Variants in ASCC3 observed in about 807,000 individuals in gnomAD.
ASCC3 encodes the protein ASC-1 complex subunit P200.
ASCC3 carries 158 observed loss-of-function variants against 256.3 expected under a neutral mutation model. The observed-to-expected ratio is 0.62, with a 90% CI of 0.54 to 0.70. The LOEUF (loss-of-function observed/expected upper bound fraction) is 0.70, where lower values mean the gene tolerates loss of function less well. Among genes scored for constraint, ASCC3 ranks in the 30% least tolerant of loss-of-function variants. The probability of loss-of-function intolerance (pLI) is 0.00; values close to 1 mark genes in which losing one functional copy is unlikely to be tolerated. For missense variants in ASCC3, 2,259 were observed against 2,626.0 expected, an observed-to-expected ratio of 0.86 and a Z score of 3.05; for synonymous variants, 948 against 883.4, an observed-to-expected ratio of 1.07 and a Z score of -1.30.
At chr6:100,722,718 C>A (rs1376800423) in intron 11 of ASCC3, among the ~76,000 whole-genome samples, 1 of 151,638 alleles carries the variant, frequency 6.6e-6, no homozygotes, top group Non-Finnish European at 1.5e-5. Context: ...GCTACACATA[C>A]AGAACAGCTT....
intron 3 of ASCC3, among the ~76,000 whole-genome samples, chr6:100,849,729 A>C (rs1300369337): frequency 6.6e-6 from 1 of 152,132 alleles, no homozygotes; most frequent in Non-Finnish European, 1.5e-5. Context: ...GAAGAATTTA[A>C]ATCTTCAAAA....
chr6:100,628,597 G>T (rs76713668), intron 27 of ASCC3, among the ~76,000 whole-genome samples: 2 of 152,054 alleles, frequency 1.3e-5, no homozygotes, highest in East Asian at 3.9e-4. Flanking sequence ...TTGCTCTCTT[G>T]TTCCTGCTCT....
chr6:100,727,335 C>T (rs1408812379), intron 10 of ASCC3, among the ~76,000 whole-genome samples: 1 of 151,752 alleles, frequency 6.6e-6, no homozygotes, highest in Non-Finnish European at 1.5e-5. Flanking sequence ...CGCCCAAATC[C>T]GCGTATTCAC....
chr6:100,753,108 AAC>A (rs1781012361), intron 10 of ASCC3, among the ~76,000 whole-genome samples: 1 of 152,190 alleles, frequency 6.6e-6, no homozygotes, highest in South Asian at 2.1e-4. Flanking sequence ...ACCAATCAAA[AAC>A]TTTGAAGATC....
chr6:100,606,927 T>C, intron 31 of ASCC3, 24 bp downstream of exon 31: 1 of 1,612,404 alleles, frequency 6.2e-7, no homozygotes, highest in Non-Finnish European at 8.5e-7. Flanking sequence ...TTTAAATATG[T>C]GTTCACTGGA....
intron 25 of ASCC3, among the ~76,000 whole-genome samples, chr6:100,633,133 T>C (rs1774641734): frequency 1.3e-5 from 2 of 152,190 alleles, no homozygotes; most frequent in African/African-American, 4.8e-5. Context: ...TCAATTGTGG[T>C]CCAAAAATGT....
chr6:100,608,097 C>CACATATATATATATATATATCTATATAT (rs1773028426), intron 30 of ASCC3, among the ~76,000 whole-genome samples: 2 of 45,026 alleles, frequency 4.4e-5, no homozygotes, highest in African/African-American at 8.6e-5. Context: ...TATCTATATA[C>CACATATATATATATATATATCTATATAT]ACATATATAT....
At chr6:100,545,283 T>A (rs1389233430) in intron 36 of ASCC3, among the ~76,000 whole-genome samples, 5 of 151,952 alleles carry the variant, frequency 3.3e-5, no homozygotes, top group Admixed American at 3.3e-4. Flanking sequence ...GTTCAAGCGC[T>A]TCTCTTGCCC....
intron 8 of ASCC3, 38 bp from the exon 9 acceptor site, chr6:100,767,383 A>G: frequency 2.6e-6 from 4 of 1,562,960 alleles, no homozygotes; most frequent in South Asian, 2.2e-5. Flanking sequence ...AAATAGTAAC[A>G]ATGTGAAGGA....
At chr6:100,570,195 G>T (rs1770515773) in intron 36 of ASCC3, among the ~76,000 whole-genome samples, 1 of 152,098 alleles carries the variant, frequency 6.6e-6, no homozygotes, top group Non-Finnish European at 1.5e-5. Context: ...AGTCTTTAGG[G>T]TTTTCTAAGT....
chr6:100,856,465 T>A, intron 3 of ASCC3: 1 of 910,462 alleles, frequency 1.1e-6, no homozygotes, highest in Non-Finnish European at 1.3e-6. Context: ...ATCTATGTAA[T>A]ATAAAAATCA....
intron 36 of ASCC3, among the ~76,000 whole-genome samples, chr6:100,578,413 C>A (rs781047632): frequency 1.3e-5 from 2 of 151,986 alleles, no homozygotes; most frequent in Non-Finnish European, 2.9e-5. Context: ...TCCTCTCCCT[C>A]CTCCCAGCCT....
At chr6:100,540,503 T>C in intron 36 of ASCC3, 116 bp from the exon 37 acceptor site, 1 of 884,280 alleles carries the variant, frequency 1.1e-6, no homozygotes, top group South Asian at 1.6e-5. Context: ...ACCATATCCC[T>C]TAGAATTTTG....
At chr6:100,683,167 G>GT (rs1236502423) in intron 13 of ASCC3, among the ~76,000 whole-genome samples, 1 of 152,002 alleles carries the variant, frequency 6.6e-6, no homozygotes. Flanking sequence ...AAATTTTAAG[G>GT]TATTTTATAT....
In ASCC3 at chr6:100,661,862, G is replaced by A. The variant is rs2114931941; in HGVS notation, c.2647C>T (p.Arg883Ter). 4 of 1,613,268 alleles carry A rather than the reference G, an allele frequency of 2.5e-6. No individual in the cohort carries two copies. The highest frequency in any genetic ancestry group is 3.4e-6 in the Non-Finnish European group (4 of 1,179,428). The change falls in exon 16 of 42, where the codon CGA becomes TGA. Residue 883 changes from arginine to a stop codon, truncating the protein, a stop_gained. Coordinates refer to ENST00000369162, the MANE Select transcript of ASCC3 (RefSeq NM_006828.4). LOFTEE classifies it high-confidence loss of function. ...LSHYLTLLTQ[R>*]NPIESQFLES... Reference sequence around the variant, plus strand: ...AGAAACTGACTCTCAATTGGGTTTCGTTGAGTGAGCAAAGTGAGGTAATGG... The same window carrying A: ...AGAAACTGACTCTCAATTGGGTTTCATTGAGTGAGCAAAGTGAGGTAATGG...
intron 37 of ASCC3, among the ~76,000 whole-genome samples, chr6:100,531,229 G>T (rs1774857974): frequency 6.6e-6 from 1 of 152,122 alleles, no homozygotes; most frequent in Non-Finnish European, 1.5e-5. Context: ...TCTAATGGTG[G>T]TTTGGGCTTG....
At chr6:100,546,013 C>T (rs1324319387) in intron 36 of ASCC3, among the ~76,000 whole-genome samples, 2 of 151,988 alleles carry the variant, frequency 1.3e-5, no homozygotes, top group African/African-American at 4.8e-5. Context: ...ACATGACCAT[C>T]AATGTAGAAA....
intron 4 of ASCC3, among the ~76,000 whole-genome samples, chr6:100,844,325 T>C (rs1389955879): frequency 6.6e-6 from 1 of 151,580 alleles, no homozygotes; most frequent in East Asian, 1.9e-4. Flanking sequence ...AGAAGCTGGT[T>C]AGGTCAGAGA....
chr6:100,650,424 G>T, intron 20 of ASCC3, 114 bp downstream of exon 20: 1 of 1,020,686 alleles, frequency 9.8e-7, no homozygotes, highest in Non-Finnish European at 1.5e-6. Context: ...TAAGTAAAAT[G>T]GTGGTTTGGT....
Sources: gnomAD v4.1 joint callset for allele counts (sites outside exome capture counted in the v4.1 genomes callset) on GRCh38, gnomAD v4.1.1 for gene constraint, MANE v1.5 for transcripts, NCBI Gene and HGNC (gene_info 2026-07-23, HGNC 2026-07-21) for gene names.